The following NAALADL2 variants were observed in gnomAD, a reference collection of about 807,000 sequenced individuals.
NAALADL2 encodes the protein N-acetylated alpha-linked acidic dipeptidase like 2.
In NAALADL2, 76 loss-of-function variants were observed where a neutral mutation model predicts 87.2. The observed-to-expected ratio is 0.87, with a 90% CI of 0.72 to 1.05. The LOEUF (loss-of-function observed/expected upper bound fraction) is 1.05. Ranked by LOEUF, NAALADL2 falls within the 50% of genes least tolerant of loss-of-function variation. The probability of loss-of-function intolerance (pLI) is 0.00; values close to 1 mark genes in which losing one functional copy is unlikely to be tolerated. For missense variants in NAALADL2, 1,089 were observed against 945.8 expected, an observed-to-expected ratio of 1.15 and a Z score of -1.99; for synonymous variants, 354 against 331.0, an observed-to-expected ratio of 1.07 and a Z score of -0.75.
At chr3:174,472,849 T>G (rs1431498725) in intron 1 of NAALADL2, among the ~76,000 whole-genome samples, 1 of 152,200 alleles carries the variant, frequency 6.6e-6, no homozygotes, top group Non-Finnish European at 1.5e-5. Flanking sequence ...TGTTGCACTT[T>G]GTAGAAACAT....
chr3:175,378,330 CT>C (rs1479790226), intron 5 of NAALADL2, among the ~76,000 whole-genome samples: 1 of 152,220 alleles, frequency 6.6e-6, no homozygotes, highest in African/African-American at 2.4e-5. Flanking sequence ...ACACTCCCTC[CT>C]GCAGGGAGTT....
intron 3 of NAALADL2, among the ~76,000 whole-genome samples, chr3:175,244,033 C>T (rs1249839628): frequency 2.6e-5 from 4 of 152,136 alleles, no homozygotes; most frequent in African/African-American, 7.2e-5. Context: ...CCTGGACTTT[C>T]AACACAGCAA....
At chr3:175,008,804 G>C (rs571252659) in intron 1 of NAALADL2, among the ~76,000 whole-genome samples, 2 of 151,464 alleles carry the variant, frequency 1.3e-5, no homozygotes. Flanking sequence ...TCCATGTTTG[G>C]TCCAGCCATC....
At chr3:175,504,834 A>G (rs1229512504) in intron 9 of NAALADL2, among the ~76,000 whole-genome samples, 2 of 152,178 alleles carry the variant, frequency 1.3e-5, no homozygotes, top group Non-Finnish European at 2.9e-5. Flanking sequence ...TACTTGAGGT[A>G]ATGTTCAAAA....
At chr3:174,854,104 C>A (rs149819632) in intron 3 of NAALADL2, among the ~76,000 whole-genome samples, 1 of 152,100 alleles carries the variant, frequency 6.6e-6, no homozygotes, top group African/African-American at 2.4e-5. Context: ...GCACTATTCA[C>A]AATAGTCAAG....
chr3:175,355,055 T>TGC (rs1560419228), intron 5 of NAALADL2, among the ~76,000 whole-genome samples: 3 of 145,614 alleles, frequency 2.1e-5, no homozygotes, highest in African/African-American at 7.4e-5. Flanking sequence ...TGTGTGTGTG[T>TGC]GTGTATACAT....
chr3:175,527,258 A>T (rs1012594984), intron 9 of NAALADL2, among the ~76,000 whole-genome samples: 1 of 152,144 alleles, frequency 6.6e-6, no homozygotes, highest in African/African-American at 2.4e-5. Context: ...AGTGTGGCAT[A>T]TTTACCTGCC....
At chr3:175,071,056 C>G (rs1715539681) in intron 1 of NAALADL2, among the ~76,000 whole-genome samples, 1 of 152,126 alleles carries the variant, frequency 6.6e-6, no homozygotes, top group East Asian at 1.9e-4. Context: ...TAGCTGGCTT[C>G]TCTTGATGTT....
chr3:175,280,320 C>A (rs1430253987), intron 4 of NAALADL2, among the ~76,000 whole-genome samples: 1 of 152,066 alleles, frequency 6.6e-6, no homozygotes, highest in Non-Finnish European at 1.5e-5. Context: ...TTTGAAAAGA[C>A]CAAGGAGAAG....
chr3:174,621,661 C>G (rs1488597935), intron 2 of NAALADL2, among the ~76,000 whole-genome samples: 3 of 151,970 alleles, frequency 2.0e-5, no homozygotes, highest in Non-Finnish European at 4.4e-5. Context: ...GAAATACAAC[C>G]TTAAACTTGT....
intron 5 of NAALADL2, among the ~76,000 whole-genome samples, chr3:175,328,755 G>C (rs928325463): frequency 6.6e-6 from 1 of 152,140 alleles, no homozygotes. Context: ...ACCAGTGATA[G>C]GTTGTAGTTG....
Position 175,803,175 on chromosome 3 carries a change from T to TC in NAALADL2, c.2361dup (p.Lys788GlnfsTer13). The TC allele has an allele frequency of 6.2e-7, 1 of 1,610,196 alleles. No homozygotes were observed. The highest frequency in any genetic ancestry group is 8.5e-7 in the Non-Finnish European group (1 of 1,178,006). ...TACTTCAAAGCAGGACTTGATGTGTTCAAGAGTGTCTTGGATGGGAAGAAT... is the reference window on the plus strand; with the variant it reads ...TACTTCAAAGCAGGACTTGATGTGTTCCAAGAGTGTCTTGGATGGGAAGAAT... On this transcript the variant is annotated frameshift_variant, in exon 14 of 14. Coordinates refer to ENST00000454872, the MANE Select transcript of NAALADL2 (RefSeq NM_207015.3). LOFTEE classifies it high-confidence loss of function.
intron 1 of NAALADL2, among the ~76,000 whole-genome samples, chr3:175,094,921 C>A (rs1325934035): frequency 2.0e-5 from 3 of 151,960 alleles, no homozygotes; most frequent in Non-Finnish European, 2.9e-5. Flanking sequence ...TACAGACTAT[C>A]CACTACTCAA....
intron 10 of NAALADL2, among the ~76,000 whole-genome samples, chr3:175,621,226 C>T (rs779548229): frequency 2.0e-5 from 3 of 152,052 alleles, no homozygotes; most frequent in Non-Finnish European, 2.9e-5. Context: ...CTGTCTCCTG[C>T]GCTATCATAC....
chr3:175,234,146 A>T lies in NAALADL2; in HGVS notation c.761A>T (p.Asp254Val), dbSNP rs1019982623. 8.1e-6 allele frequency: 13 copies of T among 1,613,918 alleles called. No individual in the cohort carries two copies. The highest frequency in any genetic ancestry group is 1.1e-5 in the Non-Finnish European group (13 of 1,179,824). The change falls in exon 3 of 14, where the codon GAT (aspartate) becomes GTT (valine). Residue 254 changes from aspartate to valine, a missense_variant. Coordinates refer to ENST00000454872, the MANE Select transcript of NAALADL2 (RefSeq NM_207015.3). The part of the protein sequence containing the change: ...GQPCSEEARK[D>V]SSQDLLYSYA... Reference sequence around the variant, plus strand: ...CCTTGCAGTGAAGAAGCCAGAAAAGATAGCAGCCAAGACCTGCTCTATTCA... The same window carrying T: ...CCTTGCAGTGAAGAAGCCAGAAAAGTTAGCAGCCAAGACCTGCTCTATTCA...
intron 1 of NAALADL2, among the ~76,000 whole-genome samples, chr3:175,071,137 A>G (rs1007968558): frequency 1.3e-5 from 2 of 152,088 alleles, no homozygotes; most frequent in Admixed American, 1.3e-4. Flanking sequence ...GCAAGCACAA[A>G]CACTGACTCA....
intron 2 of NAALADL2, among the ~76,000 whole-genome samples, chr3:174,683,703 G>T (rs1269494994): frequency 8.6e-6 from 1 of 116,898 alleles, no homozygotes. Flanking sequence ...GGAATTTCTG[G>T]AACCTTGCCC....
At chr3:175,769,953 AT>A (rs368405476) in intron 13 of NAALADL2, among the ~76,000 whole-genome samples, 22 of 147,400 alleles carry the variant, frequency 1.5e-4, no homozygotes, top group Admixed American at 9.4e-4. Context: ...TCTAAGGCAG[AT>A]TTTTTTTTTC....
chr3:174,604,976 C>A (rs188564519), intron 2 of NAALADL2, among the ~76,000 whole-genome samples: 2 of 152,156 alleles, frequency 1.3e-5, no homozygotes, highest in East Asian at 3.9e-4. Context: ...TGATCTTGAA[C>A]TCCTGACCTC....
Sources: gnomAD v4.1 joint callset for allele counts (sites outside exome capture counted in the v4.1 genomes callset) on GRCh38, gnomAD v4.1.1 for gene constraint, MANE v1.5 for transcripts, NCBI Gene and HGNC (gene_info 2026-07-23, HGNC 2026-07-21) for gene names.